The following SYT11 variants were observed in gnomAD, a reference collection of about 807,000 sequenced individuals.
The protein encoded by SYT11 is synaptotagmin-11.
A neutral mutation model predicts 30.4 loss-of-function variants in SYT11; 12 were observed. That is an observed-to-expected ratio of 0.39 (90% confidence interval 0.25 to 0.64). SYT11 has a LOEUF of 0.64. Among genes scored for constraint, SYT11 ranks in the 30% least tolerant of loss-of-function variants. SYT11 has a pLI of 0.45. For synonymous variants in SYT11, 204 were observed against 216.0 expected, an observed-to-expected ratio of 0.94 and a Z score of 0.49; for missense variants, 412 against 552.0, an observed-to-expected ratio of 0.75 and a Z score of 2.54.
chr1:155,865,049 T>C (rs779575583), intron 1 of SYT11, among the ~76,000 whole-genome samples: 8 of 152,154 alleles, frequency 5.3e-5, no homozygotes, highest in Non-Finnish European at 8.8e-5. Flanking sequence ...CTGTTTTGAA[T>C]TCACTGACTC....
chr1:155,859,952 C>T (rs1258415108), intron 1 of SYT11, among the ~76,000 whole-genome samples, 157 bp downstream of exon 1: 1 of 152,322 alleles, frequency 6.6e-6, no homozygotes, highest in East Asian at 1.9e-4. Context: ...GGGTAGTGGG[C>T]AGTTGACAGT....
intron 2 of SYT11, among the ~76,000 whole-genome samples, chr1:155,878,371 C>G (rs138725336): frequency 1.4e-4 from 22 of 152,288 alleles, no homozygotes; most frequent in Admixed American, 3.3e-4. Context: ...AGGTTCCTGA[C>G]CTACCCCTCC....
Position 155,868,862 on chromosome 1 carries a change from G to C in SYT11, c.861+71G>C. On this transcript the variant is annotated intron_variant, in intron 2 of 3. Transcript: ENST00000368324. The surrounding 1 kb of genome is among the most constrained non-coding windows in gnomAD (Gnocchi z 4.7). ...AAAATATCTCAGGGGATAAATGGAA[G>C]TGGGAGGGGAGTGGGTTGGGTGGCA... 6.9e-7 allele frequency: 1 copy of C among 1,448,374 alleles called. No homozygotes were observed. The highest frequency in any genetic ancestry group is 9.4e-7 in the Non-Finnish European group (1 of 1,066,160). The allele number at this position is 1,448,374 out of a possible 1,614,324, so 89.7% of individuals were successfully genotyped here.
chr1:155,865,233 G>A (rs1239559662), intron 1 of SYT11, among the ~76,000 whole-genome samples: 1 of 152,146 alleles, frequency 6.6e-6, no homozygotes, highest in African/African-American at 2.4e-5. Context: ...AGGGTGATGG[G>A]GACATTATCT....
chr1:155,865,934 C>T (rs1188804473), intron 1 of SYT11, among the ~76,000 whole-genome samples: 1 of 151,850 alleles, frequency 6.6e-6, no homozygotes, highest in Non-Finnish European at 1.5e-5. Context: ...TCCAAGTGGT[C>T]CCCTAAAAAG....
At chr1:155,872,615 C>G (rs763872089) in intron 2 of SYT11, among the ~76,000 whole-genome samples, 31 of 152,134 alleles carry the variant, frequency 2.0e-4, no homozygotes, top group Non-Finnish European at 3.8e-4. Context: ...GCTTGCCTGC[C>G]CCCCAACAGG....
Position 155,860,952 on chromosome 1 carries a change from C to T in SYT11, c.34+1157C>T, listed in dbSNP as rs1672574995. 6.6e-6 allele frequency among the ~76,000 whole-genome samples: 1 copy of T among 152,144 alleles called. No individual in the cohort carries two copies. Among genetic ancestry groups the T allele is most frequent in the South Asian group, 2.1e-4 (1 of 4,834 alleles). On this transcript the variant is annotated intron_variant, in intron 1 of 3. Coordinates refer to ENST00000368324, the MANE Select transcript of SYT11 (RefSeq NM_152280.5). This position sits in a 1 kb window ranked among gnomAD's most constrained non-coding sequence, Gnocchi z 4.1. ...CCAGTGAGAGTTGCTGCCAAAGAACCTTCTTATTCCTTCAGGGATTCTATC... is the reference window on the plus strand; with the variant it reads ...CCAGTGAGAGTTGCTGCCAAAGAACTTTCTTATTCCTTCAGGGATTCTATC...
intron 2 of SYT11, among the ~76,000 whole-genome samples, chr1:155,878,852 G>A (rs2102566153): frequency 6.6e-6 from 1 of 151,750 alleles, no homozygotes; most frequent in African/African-American, 2.4e-5. Context: ...GGGTGACAGA[G>A]CGAGAGACTC....
rs765320971 is a variant in SYT11 at position 155,868,031 on chromosome 1, T to C, written c.101T>C (p.Val34Ala). 1 of 1,612,868 alleles carries C rather than the reference T, an allele frequency of 6.2e-7. No homozygotes were observed. The highest frequency in any genetic ancestry group is 1.1e-5 in the South Asian group (1 of 90,986). The change falls in exon 2 of 4, where the codon GTC (valine) becomes GCC (alanine). Residue 34 changes from valine (V) to alanine (A), a missense_variant. By Grantham distance (64) the Val-to-Ala change is moderately conservative. Transcript: ENST00000368324. This position sits in a 1 kb window ranked among gnomAD's most constrained non-coding sequence, Gnocchi z 4.7. Reference sequence around the variant, plus strand: ...CTGGTGGTGTGTGTCTCGGTGACCGTCTTTGTCTGGTCATGCTGCCACCAG... The same window carrying C: ...CTGGTGGTGTGTGTCTCGGTGACCGCCTTTGTCTGGTCATGCTGCCACCAG... ...SVLVVCVSVT[V>A]FVWSCCHQQA...
rs900603503 is a variant in SYT11, at chr1:155,860,677, A to G, written c.34+882A>G. On this transcript the variant is annotated intron_variant, in intron 1 of 3. Coordinates refer to ENST00000368324, the MANE Select transcript of SYT11 (RefSeq NM_152280.5). The surrounding 1 kb of genome is among the most constrained non-coding windows in gnomAD (Gnocchi z 4.1). ...TGTGTACCGCAGAAAGCATTACGTC[A>G]TTTCAGAGCGGCTGGTCCCCGACCC... 3.3e-5 allele frequency among the ~76,000 whole-genome samples: 5 copies of G among 152,178 alleles called. No homozygotes were observed. Among genetic ancestry groups the G allele is most frequent in the Non-Finnish European group, 5.9e-5 (4 of 68,036 alleles).
intron 2 of SYT11, among the ~76,000 whole-genome samples, chr1:155,879,600 C>T (rs543641232): frequency 6.6e-6 from 1 of 152,234 alleles, no homozygotes; most frequent in South Asian, 2.1e-4. Context: ...CTGTGAAATG[C>T]AGGGACAGGT....
At position 155,868,539 on chromosome 1, in the gene SYT11, T is replaced by C. The variant is rs765266474; in HGVS notation, c.609T>C (p.Leu203=). 3.1e-6 allele frequency: 5 copies of C among 1,614,106 alleles called. No individual in the cohort carries two copies. The highest frequency in any genetic ancestry group is 2.5e-6 in the Non-Finnish European group (3 of 1,180,016). The change falls in exon 2 of 4, where the codon CTT becomes CTC. Residue 203 remains leucine, a synonymous_variant. Transcript: ENST00000368324. The surrounding 1 kb of genome is among the most constrained non-coding windows in gnomAD (Gnocchi z 4.7). ...GSDPYIKMTI[L]PDKRHRVKTR... Reference sequence around the variant, plus strand: ...ACCCCTACATCAAAATGACCATCCTTCCTGACAAACGGCATCGGGTGAAGA... The same window carrying C: ...ACCCCTACATCAAAATGACCATCCTCCCTGACAAACGGCATCGGGTGAAGA...
chr1:155,882,861 C>G lies in SYT11; in HGVS notation c.*1353C>G, dbSNP rs1673003819. The G allele has an allele frequency of 6.6e-6, 1 of 152,284 alleles. No individual in the cohort carries two copies. Among genetic ancestry groups the G allele is most frequent in the Non-Finnish European group, 1.5e-5 (1 of 68,042 alleles). The allele number at this position is 152,284 out of a possible 1,614,324, so 9.4% of individuals were successfully genotyped here. A position where few individuals can be genotyped will look rare whatever the true frequency, so the allele number is the denominator to read the frequency against. On this transcript the variant is annotated 3_prime_UTR_variant, in exon 4 of 4. Transcript: ENST00000368324. ...GCCGACCATGGAGATGCTTTAGAGT[C>G]TTCTCAAATAGCTTAGATGTTGTAA... is the stretch of plus-strand genomic sequence containing the variant.
chr1:155,868,331 G>C lies in SYT11; in HGVS notation c.401G>C (p.Ser134Thr). The change falls in exon 2 of 4, where the codon AGC becomes ACC. Residue 134 changes from serine (S) to threonine (T), a missense_variant. By Grantham distance (58) the Ser-to-Thr change is moderately conservative (BLOSUM62 1). Coordinates refer to ENST00000368324, the MANE Select transcript of SYT11 (RefSeq NM_152280.5). This position sits in a 1 kb window ranked among gnomAD's most constrained non-coding sequence, Gnocchi z 4.7. ...ATGGACTATGGGGAAGAACTAAGGAGCCCTATTACAAGCCTGACCCCTGGG... is the reference window on the plus strand; with the variant it reads ...ATGGACTATGGGGAAGAACTAAGGACCCCTATTACAAGCCTGACCCCTGGG... ...IKMDYGEELR[S>T]PITSLTPGES... 6.2e-7 allele frequency: 1 copy of C among 1,613,972 alleles called. No individual in the cohort carries two copies. The highest frequency in any genetic ancestry group is 8.5e-7 in the Non-Finnish European group (1 of 1,180,000).
intron 2 of SYT11, among the ~76,000 whole-genome samples, chr1:155,870,121 G>A (rs975823561): frequency 4.6e-5 from 7 of 152,182 alleles, no homozygotes; most frequent in African/African-American, 1.4e-4. Context: ...TAGTGAGTAT[G>A]GTAGGTGCTA....
intron 1 of SYT11, among the ~76,000 whole-genome samples, chr1:155,864,676 T>TC (rs1018631138): frequency 2.6e-5 from 4 of 151,858 alleles, no homozygotes; most frequent in African/African-American, 9.7e-5. Context: ...TTTACATTTA[T>TC]CCCTGATATA....
At chr1:155,874,579 A>ACAAAAT (rs1672831107) in intron 2 of SYT11, among the ~76,000 whole-genome samples, 1 of 150,734 alleles carries the variant, frequency 6.6e-6, no homozygotes. Flanking sequence ...TGGGCAAGAG[A>ACAAAAT]GTGAGACCCT....
intron 2 of SYT11, among the ~76,000 whole-genome samples, chr1:155,877,257 T>G (rs1290960133): frequency 6.6e-6 from 1 of 152,088 alleles, no homozygotes; most frequent in Non-Finnish European, 1.5e-5. Context: ...TGTGAGCCAC[T>G]GCGCCCGGCC....
chr1:155,859,767 T>C lies in SYT11; in HGVS notation c.6T>C (p.Ala2=). Residue 2 remains alanine (A), a synonymous_variant, in exon 1 of 4, where the codon GCT becomes GCC. Transcript: ENST00000368324. ...CAACAGCCTCTGATTACGACATGGC[T>C]GAGATCACCAATATCCGACCTAGCT... M[A]EITNIRPSFD... is the part of the protein sequence containing the mutation. 6.2e-7 allele frequency: 1 copy of C among 1,614,078 alleles called. No individual in the cohort carries two copies.
Sources: allele counts gnomAD v4.1 joint callset (sites outside exome capture counted in the v4.1 genomes callset), GRCh38; gene constraint gnomAD v4.1.1; non-coding constraint Gnocchi (gnomAD v3.1); transcripts MANE v1.5; gene names NCBI Gene and HGNC (gene_info 2026-07-23, HGNC 2026-07-21).